STK3: variants seen among roughly 807,000 people sequenced by gnomAD.
The protein encoded by STK3 is serine/threonine-protein kinase 3.
Under a neutral mutation model 58.0 loss-of-function variants are expected in STK3, and 41 were observed. The observed-to-expected ratio is 0.71, with a 90% CI of 0.55 to 0.92. The LOEUF (loss-of-function observed/expected upper bound fraction) is 0.92. Ranked by LOEUF, STK3 falls within the 40% of genes least tolerant of loss-of-function variation. The pLI is 0.00. For synonymous variants in STK3, 170 were observed against 191.0 expected (o/e 0.89, Z 0.91); for missense variants, 479 against 602.7 (o/e 0.79, Z 2.15).
At chr8:98,514,296 G>A (rs1295538279) in intron 10 of STK3, among the ~76,000 whole-genome samples, 1 of 152,088 alleles carries the variant, frequency 6.6e-6, no homozygotes, top group Admixed American at 6.6e-5. Context: ...AAAAGTTGTA[G>A]CATTTGTCCA....
chr8:98,657,962 A>G (rs1289079867), intron 6 of STK3, among the ~76,000 whole-genome samples: 1 of 152,124 alleles, frequency 6.6e-6, no homozygotes, highest in Middle Eastern at 3.2e-3. Context: ...CATTTAATAT[A>G]TAAAGAAAGT....
intron 9 of STK3, among the ~76,000 whole-genome samples, chr8:98,546,203 A>G (rs770321511): frequency 6.6e-6 from 1 of 152,208 alleles, no homozygotes; most frequent in Non-Finnish European, 1.5e-5. Context: ...ACAATCAGTT[A>G]TAACAAAATT....
intron 10 of STK3, among the ~76,000 whole-genome samples, chr8:98,463,369 T>G (rs578237508): frequency 1.3e-4 from 19 of 151,970 alleles, no homozygotes; most frequent in African/African-American, 4.3e-4. Flanking sequence ...ACTATGACAT[T>G]TCTCAGTATT....
chr8:98,825,933 C>T (rs1395107979), upstream of STK3, among the ~76,000 whole-genome samples: 1 of 147,620 alleles, frequency 6.8e-6, no homozygotes, highest in African/African-American at 2.4e-5. Flanking sequence ...AGCCGGGCAC[C>T]GCGGCGGGGG....
At chr8:98,712,063 C>T (rs555412747) in intron 4 of STK3, among the ~76,000 whole-genome samples, 2 of 152,250 alleles carry the variant, frequency 1.3e-5, no homozygotes, top group South Asian at 2.1e-4. Context: ...AAATAAAATA[C>T]TTTACAGACA....
intron 4 of STK3, among the ~76,000 whole-genome samples, chr8:98,723,351 A>G (rs1245333024): frequency 2.0e-5 from 3 of 152,134 alleles, no homozygotes; most frequent in Admixed American, 6.5e-5. Context: ...AAACAAAAAG[A>G]TGGTTTTGAT....
At chr8:98,639,853 G>A (rs1332433293) in intron 6 of STK3, among the ~76,000 whole-genome samples, 1 of 152,046 alleles carries the variant, frequency 6.6e-6, no homozygotes, top group Non-Finnish European at 1.5e-5. Context: ...GCTCACGCCT[G>A]TAATCCCAGC....
chr8:98,403,740 C>CAGTA (rs1563593550), intron 3 of STK3, among the ~76,000 whole-genome samples: 140 of 152,292 alleles, frequency 9.2e-4, no homozygotes, highest in African/African-American at 3.0e-3. Context: ...TGCACACTAC[C>CAGTA]CTTGTTACAA....
intron 3 of STK3, among the ~76,000 whole-genome samples, chr8:98,415,747 C>T (rs1818107976): frequency 6.6e-6 from 1 of 152,224 alleles, no homozygotes; most frequent in African/African-American, 2.4e-5. Context: ...TAAAAGTAAA[C>T]TTCATCCTAT....
intron 2 of STK3, among the ~76,000 whole-genome samples, chr8:98,373,430 T>G (rs1299743248): frequency 6.6e-6 from 1 of 152,268 alleles, no homozygotes; most frequent in African/African-American, 2.4e-5. Flanking sequence ...ATGGTCTGGC[T>G]TATTCTCTTA....
chr8:98,757,598 G>GAAAAA (rs1040308347), intron 3 of STK3, among the ~76,000 whole-genome samples: 1 of 58,524 alleles, frequency 1.7e-5, no homozygotes, highest in African/African-American at 6.1e-5. Context: ...CCATCTCAAA[G>GAAAAA]AAAAAAAAAA....
intron 1 of STK3, among the ~76,000 whole-genome samples, chr8:98,890,754 AATTCCAGAGAC>A (rs1210623450): frequency 1.3e-5 from 2 of 152,188 alleles, no homozygotes; most frequent in Non-Finnish European, 2.9e-5. Flanking sequence ...ATTTTTTTCT[AATTCCAGAGAC>A]ATGAAACCCT....
chr8:98,930,080 G>C (rs1297523067), intron 1 of STK3, among the ~76,000 whole-genome samples: 1 of 148,198 alleles, frequency 6.7e-6, no homozygotes, highest in Non-Finnish European at 1.5e-5. Context: ...TGTAGGAAGT[G>C]GTATAATAAA....
intron 8 of STK3, among the ~76,000 whole-genome samples, chr8:98,575,342 G>GC (rs1554623031): frequency 2.1e-5 from 3 of 143,314 alleles, no homozygotes; most frequent in Non-Finnish European, 3.1e-5. Context: ...CTAGTGACTT[G>GC]TTTTTTTTTT....
chr8:98,696,543 T>G (rs1187882768), intron 6 of STK3, among the ~76,000 whole-genome samples: 1 of 152,288 alleles, frequency 6.6e-6, no homozygotes, highest in South Asian at 2.1e-4. Context: ...CAATACCTAA[T>G]TTATGGAGAG....
intron 8 of STK3, among the ~76,000 whole-genome samples, chr8:98,553,712 T>C (rs990745196): frequency 1.3e-5 from 2 of 152,076 alleles, no homozygotes; most frequent in Non-Finnish European, 1.5e-5. Flanking sequence ...GCCTTTAATC[T>C]CGACACTTTG....
chr8:98,543,182 A>G (rs1312289453), intron 9 of STK3, among the ~76,000 whole-genome samples: 1 of 132,900 alleles, frequency 7.5e-6, no homozygotes, highest in African/African-American at 2.5e-5. Context: ...AGGAGGATTT[A>G]GGCATTGCAA....
At chr8:98,702,811 C>T (rs886111613) in intron 6 of STK3, among the ~76,000 whole-genome samples, 1 of 152,228 alleles carries the variant, frequency 6.6e-6, no homozygotes, top group East Asian at 1.9e-4. Flanking sequence ...AGTGGCTGGG[C>T]ACCCCACTAT....
chr8:98,547,879 C>G, intron 9 of STK3, 90 bp downstream of exon 9: 1 of 1,191,492 alleles, frequency 8.4e-7, no homozygotes, highest in Non-Finnish European at 1.1e-6. Flanking sequence ...CCACAGTTGG[C>G]TATAAAAAGT....
Sources: allele counts gnomAD v4.1 joint callset (sites outside exome capture counted in the v4.1 genomes callset), GRCh38; gene constraint gnomAD v4.1.1; transcripts MANE v1.5; gene names NCBI Gene and HGNC (gene_info 2026-07-23, HGNC 2026-07-21).